The following DCLK1 variants were observed in gnomAD, a reference collection of about 807,000 sequenced individuals.
The protein encoded by DCLK1 is serine/threonine-protein kinase DCLK1.
Under a neutral mutation model 86.2 loss-of-function variants are expected in DCLK1, and 16 were observed. The ratio of observed to expected loss-of-function variants is 0.19; its 90% CI spans 0.13 to 0.28. The LOEUF (loss-of-function observed/expected upper bound fraction) is 0.28, where lower values mean the gene tolerates loss of function less well. DCLK1 is among the 10% of genes least tolerant of loss of function. The pLI, the probability that DCLK1 is intolerant of heterozygous loss-of-function variation, is 1.00. For missense variants in DCLK1, 590 were observed against 940.2 expected (o/e 0.63, Z 4.87); for synonymous variants, 369 against 370.5 (o/e 1.00, Z 0.05).
chr13:35,839,990 G>A (rs531177191), intron 6 of DCLK1, among the ~76,000 whole-genome samples: 5 of 152,326 alleles, frequency 3.3e-5, no homozygotes, highest in South Asian at 4.1e-4. Flanking sequence ...TCTAAATAGT[G>A]AACACAGCTT....
In DCLK1 at chr13:35,772,482, CT is replaced by C. The variant is rs1328402611; in HGVS notation, c.*2052del. The C allele has an allele frequency of 6.6e-6, 1 of 152,104 alleles. No homozygotes were observed. Among genetic ancestry groups the C allele is most frequent in the Non-Finnish European group, 1.5e-5 (1 of 68,032 alleles). The allele number at this position is 152,104 out of a possible 1,614,324, so 9.4% of individuals were successfully genotyped here. A position where few individuals can be genotyped will look rare whatever the true frequency, so the allele number is the denominator to read the frequency against. On this transcript the variant is annotated 3_prime_UTR_variant, in exon 17 of 17. Transcript: ENST00000360631. Reference sequence around the variant, plus strand: ...TGGAATAGTGCTTTGCTTTATATTTCTAGAGAAAGCAGTAATTTCCAACTAG... The same window carrying C: ...TGGAATAGTGCTTTGCTTTATATTTCAGAGAAAGCAGTAATTTCCAACTAG...
chr13:35,866,006 T>A (rs1871761184), intron 5 of DCLK1, among the ~76,000 whole-genome samples: 1 of 152,130 alleles, frequency 6.6e-6, no homozygotes, highest in Admixed American at 6.6e-5. Context: ...AAAACTCTAG[T>A]AAGTGGAGGT....
At chr13:36,111,241 C>T (rs537997949) in intron 3 of DCLK1, among the ~76,000 whole-genome samples, 3 of 152,224 alleles carry the variant, frequency 2.0e-5, no homozygotes, top group East Asian at 1.9e-4. Flanking sequence ...GTTCATCTGA[C>T]CAACTCACAT....
At chr13:36,129,887 T>C (rs1213717288) in intron 1 of DCLK1, among the ~76,000 whole-genome samples, 1 of 149,608 alleles carries the variant, frequency 6.7e-6, no homozygotes, top group African/African-American at 2.5e-5. Flanking sequence ...TCTCACCATT[T>C]TGAGGAATCT....
At chr13:35,967,777 G>C (rs191511046) in intron 3 of DCLK1, among the ~76,000 whole-genome samples, 8 of 151,888 alleles carry the variant, frequency 5.3e-5, no homozygotes, top group Admixed American at 5.2e-4. Context: ...ATTGTCCTAT[G>C]ACCCTGCCAA....
At chr13:36,044,738 A>G (rs187690083) in intron 3 of DCLK1, among the ~76,000 whole-genome samples, 1 of 152,298 alleles carries the variant, frequency 6.6e-6, no homozygotes, top group Admixed American at 6.5e-5. Flanking sequence ...CAGGAGGGTG[A>G]CAGAGGGAAA....
chr13:35,960,756 CA>C lies in DCLK1; in HGVS notation c.724-13300del, dbSNP rs1012276670. Among the ~76,000 whole-genome samples, 334 of 150,734 alleles carry C rather than the reference CA, an allele frequency of 2.2e-3. 2 individuals are homozygous for C. The highest frequency in any genetic ancestry group is 6.8e-3 in the African/African-American group (279 of 41,222). On this transcript the variant is annotated intron_variant, in intron 3 of 16. Coordinates refer to ENST00000360631, the MANE Select transcript of DCLK1 (RefSeq NM_001330071.2). ...ACAGGCATAAGCCACCATGCCTGGC[CA>C]AAAAAAAATCAGAGCTTTCCACAAA... is the stretch of plus-strand genomic sequence containing the variant.
chr13:35,895,293 A>AG (rs1025982160), intron 4 of DCLK1, among the ~76,000 whole-genome samples: 2 of 152,182 alleles, frequency 1.3e-5, no homozygotes, highest in Admixed American at 6.5e-5. Flanking sequence ...AAGGTAAAAA[A>AG]AAAAAAAAAT....
intron 3 of DCLK1, among the ~76,000 whole-genome samples, chr13:36,018,466 A>G (rs1477007658): frequency 2.0e-5 from 3 of 152,200 alleles, no homozygotes; most frequent in African/African-American, 7.2e-5. Flanking sequence ...ATGTTTCAAA[A>G]TCATTAATCA....
intron 5 of DCLK1, among the ~76,000 whole-genome samples, chr13:35,858,802 T>C (rs1438469795): frequency 6.6e-6 from 1 of 152,186 alleles, no homozygotes. Context: ...GACAAGTCAT[T>C]TACAATCAAA....
At chr13:36,044,873 A>C (rs989874162) in intron 3 of DCLK1, among the ~76,000 whole-genome samples, 1 of 152,136 alleles carries the variant, frequency 6.6e-6, no homozygotes, top group Non-Finnish European at 1.5e-5. Flanking sequence ...TTTTTGAGAA[A>C]ATGGAAGTCT....
chr13:36,111,487 A>G (rs563793139), intron 3 of DCLK1, among the ~76,000 whole-genome samples: 98 of 152,324 alleles, frequency 6.4e-4, no homozygotes, highest in African/African-American at 2.0e-3. Context: ...GGTCAAAGAA[A>G]TAAGTTAGAA....
chr13:35,847,968 A>C, intron 6 of DCLK1: 1 of 985,302 alleles, frequency 1.0e-6, no homozygotes, highest in Non-Finnish European at 1.2e-6. Context: ...TTCACACTGA[A>C]CTTCATACTT....
At chr13:35,976,724 C>A (rs998045846) in intron 3 of DCLK1, among the ~76,000 whole-genome samples, 8 of 150,860 alleles carry the variant, frequency 5.3e-5, no homozygotes, top group Admixed American at 3.3e-4. Flanking sequence ...TTAGTAGAGA[C>A]GGGGTTTCAC....
intron 4 of DCLK1, among the ~76,000 whole-genome samples, chr13:35,902,608 G>A (rs1193793348): frequency 6.6e-6 from 1 of 152,148 alleles, no homozygotes; most frequent in Admixed American, 6.6e-5. Flanking sequence ...GGGGGATGGT[G>A]ACACTAATTA....
At position 35,916,633 on chromosome 13, in the gene DCLK1, CCTCT is replaced by C. The variant is rs372654040; in HGVS notation, c.823+30721_823+30724del. On this transcript the variant is annotated intron_variant, in intron 4 of 16. Coordinates refer to ENST00000360631, the MANE Select transcript of DCLK1 (RefSeq NM_001330071.2). ...CTTTCTCCTCCTTCCTTTTTCTCTCCCTCTATGTCTCTGTAGATACCCTTTCCTT... is the reference window on the plus strand; with the variant it reads ...CTTTCTCCTCCTTCCTTTTTCTCTCCATGTCTCTGTAGATACCCTTTCCTT... 5.2e-3 allele frequency among the ~76,000 whole-genome samples: 790 copies of C among 152,104 alleles called. 6 individuals are homozygous for C. Among genetic ancestry groups the C allele is most frequent in the African/African-American group, 0.018 (741 of 41,492 alleles).
chr13:36,070,548 T>C (rs1379689862), intron 3 of DCLK1, among the ~76,000 whole-genome samples: 1 of 152,264 alleles, frequency 6.6e-6, no homozygotes, highest in Non-Finnish European at 1.5e-5. Context: ...TTGCAAAGTT[T>C]CTGCAAGGAT....
At chr13:35,897,312 G>T (rs1874065003) in intron 4 of DCLK1, among the ~76,000 whole-genome samples, 1 of 152,202 alleles carries the variant, frequency 6.6e-6, no homozygotes, top group Admixed American at 6.5e-5. Flanking sequence ...GTGCAAGGTT[G>T]CAGGCAAGGA....
intron 3 of DCLK1, among the ~76,000 whole-genome samples, chr13:36,026,969 T>TA (rs920166935): frequency 6.6e-6 from 1 of 152,206 alleles, no homozygotes; most frequent in South Asian, 2.1e-4. Context: ...TCTACTTATT[T>TA]AAAAAAACTT....
Sources: gnomAD v4.1 joint callset for allele counts (sites outside exome capture counted in the v4.1 genomes callset) on GRCh38, gnomAD v4.1.1 for gene constraint, MANE v1.5 for transcripts, NCBI Gene and HGNC (gene_info 2026-07-23, HGNC 2026-07-21) for gene names.